The following MDGA2 variants were observed in gnomAD, a reference collection of about 807,000 sequenced individuals.
MDGA2 encodes MAM domain-containing glycosylphosphatidylinositol anchor protein 2.
MDGA2 carries 40 observed loss-of-function variants against 117.8 expected under a neutral mutation model. The observed-to-expected ratio is 0.34, with a 90% CI of 0.26 to 0.44. The LOEUF (loss-of-function observed/expected upper bound fraction) is 0.44. Among genes scored for constraint, MDGA2 ranks in the 20% least tolerant of loss-of-function variants. The pLI is 1.00. For synonymous variants in MDGA2, 452 were observed against 439.0 expected (o/e 1.03, Z -0.37); for missense variants, 1,123 against 1,250.6 (o/e 0.90, Z 1.54).
chr14:47,047,846 T>C (rs968292582), intron 7 of MDGA2, among the ~76,000 whole-genome samples: 2 of 151,880 alleles, frequency 1.3e-5, no homozygotes, highest in Non-Finnish European at 2.9e-5. Context: ...TATAAATAAA[T>C]TTTATTGCTG....
chr14:47,047,726 T>C (rs947954825), intron 7 of MDGA2, among the ~76,000 whole-genome samples: 1 of 152,028 alleles, frequency 6.6e-6, no homozygotes, highest in African/African-American at 2.4e-5. Flanking sequence ...TACATTTCTA[T>C]ATAGATTTTG....
intron 1 of MDGA2, among the ~76,000 whole-genome samples, chr14:47,593,241 G>T (rs1314814123): frequency 6.6e-6 from 1 of 152,160 alleles, no homozygotes; most frequent in African/African-American, 2.4e-5. Context: ...ACAGATGCTG[G>T]CAAGGCTGTG....
At chr14:47,082,538 T>A (rs1016792818) in intron 6 of MDGA2, among the ~76,000 whole-genome samples, 5 of 152,190 alleles carry the variant, frequency 3.3e-5, no homozygotes, top group Middle Eastern at 3.4e-3. Flanking sequence ...CAGTCTTCAA[T>A]ATGCTCAGCC....
At chr14:47,190,856 T>C (rs1362129897) in intron 3 of MDGA2, among the ~76,000 whole-genome samples, 1 of 152,140 alleles carries the variant, frequency 6.6e-6, no homozygotes. Context: ...GAAAATCCAA[T>C]ATGGAGACTT....
At chr14:47,387,264 C>A (rs1266005325) in intron 1 of MDGA2, among the ~76,000 whole-genome samples, 2 of 152,062 alleles carry the variant, frequency 1.3e-5, no homozygotes, top group Non-Finnish European at 2.9e-5. Flanking sequence ...TGTTTGAGAC[C>A]AAGACAAACA....
At chr14:47,429,620 G>T (rs1892759033) in intron 1 of MDGA2, among the ~76,000 whole-genome samples, 1 of 151,990 alleles carries the variant, frequency 6.6e-6, no homozygotes, top group Non-Finnish European at 1.5e-5. Flanking sequence ...AATCAGTTTT[G>T]GTAGACTTGC....
At chr14:47,296,284 A>G (rs1299593395) in intron 2 of MDGA2, among the ~76,000 whole-genome samples, 1 of 152,254 alleles carries the variant, frequency 6.6e-6, no homozygotes, top group Non-Finnish European at 1.5e-5. Context: ...AGTAGCTACA[A>G]AACTCAGAAG....
At chr14:47,397,554 G>A (rs996755029) in intron 1 of MDGA2, among the ~76,000 whole-genome samples, 1 of 151,806 alleles carries the variant, frequency 6.6e-6, no homozygotes, top group Non-Finnish European at 1.5e-5. Flanking sequence ...AATTATGAGG[G>A]AAGAATTACC....
chr14:46,954,461 G>C (rs1296270226), intron 9 of MDGA2, among the ~76,000 whole-genome samples: 1 of 152,082 alleles, frequency 6.6e-6, no homozygotes, highest in Non-Finnish European at 1.5e-5. Context: ...AAGGCCAGGA[G>C]TCTGAAACCA....
intron 2 of MDGA2, among the ~76,000 whole-genome samples, chr14:47,241,782 T>TAA (rs1219241189): frequency 6.6e-6 from 1 of 151,830 alleles, no homozygotes; most frequent in Non-Finnish European, 1.5e-5. Context: ...TAAAAAAAAA[T>TAA]GTTTAACATT....
chr14:46,956,445 A>G (rs923850268), intron 9 of MDGA2, among the ~76,000 whole-genome samples: 11 of 152,102 alleles, frequency 7.2e-5, no homozygotes, highest in Admixed American at 2.0e-4. Flanking sequence ...ACTTCTCCCT[A>G]ATTTACTATC....
chr14:47,096,942 GA>G lies in MDGA2; in HGVS notation c.1106del (p.Ile369ThrfsTer29). 6.2e-7 allele frequency: 1 copy of G among 1,613,316 alleles called. No individual in the cohort carries two copies. Among genetic ancestry groups the G allele is most frequent in the African/African-American group, 1.3e-5 (1 of 74,988 alleles). On this transcript the variant is annotated frameshift_variant, in exon 6 of 17. Transcript: ENST00000399232. LOFTEE classifies it high-confidence loss of function. The stretch of plus-strand genomic sequence containing the variant: ...TGTAAGTACCAGCATCATCTGAGGT[GA>G]TGGCAGGTATGGTCAAAGTTCCTCC... ...LNGGTLTIPA[I>X]TSDDAGTYSC...
chr14:47,319,310 A>G (rs1889906380), intron 1 of MDGA2, among the ~76,000 whole-genome samples: 1 of 152,160 alleles, frequency 6.6e-6, no homozygotes, highest in Non-Finnish European at 1.5e-5. Flanking sequence ...CTGTGAGTGT[A>G]CATTTCTGAT....
At chr14:46,956,953 T>C (rs769750369) in intron 9 of MDGA2, among the ~76,000 whole-genome samples, 26 of 152,134 alleles carry the variant, frequency 1.7e-4, no homozygotes, top group Non-Finnish European at 3.5e-4. Context: ...CCATGTGAAG[T>C]AGGTCCTTGC....
intron 1 of MDGA2, among the ~76,000 whole-genome samples, chr14:47,510,295 G>A (rs994577802): frequency 1.3e-5 from 2 of 152,120 alleles, no homozygotes; most frequent in African/African-American, 2.4e-5. Context: ...GCAGCCTCCG[G>A]AACTGTGAGA....
intron 15 of MDGA2, among the ~76,000 whole-genome samples, chr14:46,853,994 T>G (rs1881164643): frequency 6.6e-6 from 1 of 151,804 alleles, no homozygotes; most frequent in Non-Finnish European, 1.5e-5. Flanking sequence ...TATATATCTG[T>G]AGATAATTAG....
chr14:47,520,477 A>C (rs1894846958), intron 1 of MDGA2, among the ~76,000 whole-genome samples: 1 of 152,192 alleles, frequency 6.6e-6, no homozygotes, highest in Non-Finnish European at 1.5e-5. Context: ...TTATGAACCC[A>C]TGTGAACTTC....
chr14:47,206,822 G>A (rs538180142), intron 3 of MDGA2, among the ~76,000 whole-genome samples: 5 of 151,964 alleles, frequency 3.3e-5, no homozygotes, highest in African/African-American at 7.2e-5. Flanking sequence ...CCAGAAGTTC[G>A]AGGATGCAGT....
At chr14:47,180,407 C>G (rs1884651570) in intron 3 of MDGA2, among the ~76,000 whole-genome samples, 1 of 152,114 alleles carries the variant, frequency 6.6e-6, no homozygotes, top group Non-Finnish European at 1.5e-5. Flanking sequence ...ATAGAGGAAA[C>G]AGACAACCTA....
Sources: allele counts gnomAD v4.1 joint callset (sites outside exome capture counted in the v4.1 genomes callset), GRCh38; gene constraint gnomAD v4.1.1; transcripts MANE v1.5; gene names NCBI Gene and HGNC (gene_info 2026-07-23, HGNC 2026-07-21).